TRMT11: variants seen among roughly 807,000 people sequenced by gnomAD.
The protein encoded by TRMT11 is tRNA methyltransferase 11.
Under a neutral mutation model 62.8 loss-of-function variants are expected in TRMT11, and 53 were observed. The observed-to-expected ratio is 0.84, with a 90% confidence interval of 0.68 to 1.06. TRMT11 has a LOEUF of 1.06. TRMT11 is among the 50% of genes least tolerant of loss of function. The pLI is 0.00. For synonymous variants in TRMT11, 188 were observed against 190.3 expected (o/e 0.99, Z 0.10); for missense variants, 556 against 553.4 (o/e 1.00, Z -0.05).
At chr6:126,108,432 G>A (rs1345659995) in intron 17 of TRMT11, among the ~76,000 whole-genome samples, 1 of 152,144 alleles carries the variant, frequency 6.6e-6, no homozygotes, top group Non-Finnish European at 1.5e-5. Context: ...TTTGTTCAAT[G>A]CCACCTATGT....
At chr6:126,047,116 A>T (rs1776083099) in intron 16 of TRMT11, among the ~76,000 whole-genome samples, 1 of 151,954 alleles carries the variant, frequency 6.6e-6, no homozygotes, top group African/African-American at 2.4e-5. Context: ...ACTAAGTATT[A>T]GCTACTACTG....
At chr6:125,997,484 C>G (rs1368269587) in intron 3 of TRMT11, among the ~76,000 whole-genome samples, 2 of 152,228 alleles carry the variant, frequency 1.3e-5, no homozygotes, top group Non-Finnish European at 2.9e-5. Context: ...AAGTTAGTTA[C>G]TAAAATTGTG....
In TRMT11 at chr6:125,999,526, A is replaced by G. The variant is rs777211080; in HGVS notation, c.592A>G (p.Ser198Gly). 6.2e-7 allele frequency: 1 copy of G among 1,612,294 alleles called. No individual in the cohort carries two copies. Among genetic ancestry groups the G allele is most frequent in the Non-Finnish European group, 8.5e-7 (1 of 1,178,884 alleles). ...AAAGAGACACTTTATTGGAAATACAAGTATGGATGCTGGTTTGTCATTCAT... is the reference window on the plus strand; with the variant it reads ...AAAGAGACACTTTATTGGAAATACAGGTATGGATGCTGGTTTGTCATTCAT... ...VKKRHFIGNT[S>G]MDAGLSFIMA... The change falls in exon 7 of 13, where the codon AGT (serine) becomes GGT (glycine). Residue 198 changes from serine (S) to glycine (G), a missense_variant. By Grantham distance (56) the Ser-to-Gly change is moderately conservative. Transcript: ENST00000334379.
At chr6:126,099,332 C>G (rs935672892) in intron 17 of TRMT11, among the ~76,000 whole-genome samples, 2 of 152,138 alleles carry the variant, frequency 1.3e-5, no homozygotes, top group Non-Finnish European at 2.9e-5. Flanking sequence ...AATGGTTTTG[C>G]TCTACATATC....
chr6:126,057,580 CA>C (rs1166901744), intron 17 of TRMT11, among the ~76,000 whole-genome samples: 4 of 152,138 alleles, frequency 2.6e-5, no homozygotes, highest in Non-Finnish European at 5.9e-5. Flanking sequence ...TCCAATGAAC[CA>C]AACAGGCTTG....
rs184557231 is a variant in TRMT11, at chr6:125,996,113, A to G, written c.212+73A>G. On this transcript the variant is annotated intron_variant, in intron 3 of 12. Coordinates refer to ENST00000334379, the MANE Select transcript of TRMT11 (RefSeq NM_001031712.3). ...TAACCACTCAATCCTGTTTTTTGCTATATTGGGCAGTGTGAAGGCTCAGTT... is the reference window on the plus strand; with the variant it reads ...TAACCACTCAATCCTGTTTTTTGCTGTATTGGGCAGTGTGAAGGCTCAGTT... 115 of 1,081,294 alleles carry G rather than the reference A, an allele frequency of 1.1e-4. No individual in the cohort carries two copies. The African/African-American group carries it at 1.2e-3, about 12-fold the overall frequency. The allele number at this position is 1,081,294 out of a possible 1,614,324, so 67.0% of individuals were successfully genotyped here. A position where few individuals can be genotyped will look rare whatever the true frequency, so the allele number is the denominator to read the frequency against.
At chr6:126,257,647 A>T in the TRMT11 span, among the ~76,000 whole-genome samples, 2 of 152,098 alleles carry the variant, frequency 1.3e-5, no homozygotes, top group East Asian at 3.9e-4. Context: ...TTGATTCGAG[A>T]CTTTTTATTA....
At chr6:126,268,340 C>G in the TRMT11 span, among the ~76,000 whole-genome samples, 1 of 152,072 alleles carries the variant, frequency 6.6e-6, no homozygotes, top group African/African-American at 2.4e-5. Context: ...TGGGAGACAC[C>G]TGGATAGTGT....
At chr6:126,145,823 G>A (rs971055699) in intron 21 of TRMT11, among the ~76,000 whole-genome samples, 6 of 151,978 alleles carry the variant, frequency 3.9e-5, no homozygotes, top group African/African-American at 1.4e-4. Context: ...TTAAATTTTT[G>A]TTTAAGCTCC....
chr6:126,085,762 A>T (rs1359287215), intron 17 of TRMT11, among the ~76,000 whole-genome samples: 2 of 152,158 alleles, frequency 1.3e-5, no homozygotes, highest in Admixed American at 6.6e-5. Context: ...ATCATGATAG[A>T]TATATGTCAG....
chr6:126,022,706 T>C (rs1438696934), intron 12 of TRMT11, among the ~76,000 whole-genome samples: 1 of 152,234 alleles, frequency 6.6e-6, no homozygotes, highest in African/African-American at 2.4e-5. Flanking sequence ...CTATCTTCTG[T>C]AATCAGGCTC....
intron 21 of TRMT11, among the ~76,000 whole-genome samples, chr6:126,167,729 C>T (rs916086440): frequency 2.6e-5 from 4 of 152,178 alleles, no homozygotes; most frequent in African/African-American, 9.7e-5. Flanking sequence ...TCATTAGTTT[C>T]TCAAATGTAT....
chr6:126,027,532 C>T (rs1773412313), intron 12 of TRMT11, among the ~76,000 whole-genome samples: 1 of 152,132 alleles, frequency 6.6e-6, no homozygotes, highest in Non-Finnish European at 1.5e-5. Flanking sequence ...TCACATGCTA[C>T]CTTATATTCC....
chr6:126,239,156 T>A, the TRMT11 span, among the ~76,000 whole-genome samples: 25 of 152,256 alleles, frequency 1.6e-4, no homozygotes, highest in African/African-American at 5.5e-4. Flanking sequence ...GGGTCTTGAC[T>A]ATCCAATTTG....
At chr6:126,100,041 C>T (rs1002170461) in intron 17 of TRMT11, among the ~76,000 whole-genome samples, 1 of 152,074 alleles carries the variant, frequency 6.6e-6, no homozygotes. Context: ...CAGTTTTTCC[C>T]TCTTTCCAGA....
At chr6:126,178,259 T>A in intron 1 of TRMT11, among the ~76,000 whole-genome samples, 1 of 152,308 alleles carries the variant, frequency 6.6e-6, no homozygotes, top group Middle Eastern at 3.4e-3. Context: ...CTTTTTGAGG[T>A]AGCCACACCC....
Position 126,032,507 on chromosome 6 carries a change from A to C in TRMT11, c.1261-6198A>C, listed in dbSNP as rs191150131. 2.4e-3 allele frequency among the ~76,000 whole-genome samples: 362 copies of C among 152,156 alleles called. 3 individuals are homozygous for C. Among genetic ancestry groups the C allele is most frequent in the African/African-American group, 8.4e-3 (350 of 41,524 alleles). On this transcript the variant is annotated intron_variant, in intron 12 of 12. Coordinates refer to ENST00000334379, the MANE Select transcript of TRMT11 (RefSeq NM_001031712.3). ...CACACGCACTGTGTTTCCTCTTCCT[A>C]GAATGTTTTCTTCCCCTCTTTTCAT... is the stretch of plus-strand genomic sequence containing the variant.
chr6:126,207,599 C>T (rs75135867), downstream of TRMT11, among the ~76,000 whole-genome samples: 801 of 152,264 alleles, frequency 5.3e-3, 4 homozygotes, highest in Non-Finnish European at 8.5e-3. Flanking sequence ...TATTAAATAT[C>T]CAATGCACAT....
Position 126,184,317 on chromosome 6 carries a change from C to G in TRMT11, n.143+6982C>G, listed in dbSNP as rs1335522056. On this transcript the variant is annotated intron_variant and non_coding_transcript_variant, in intron 1 of 3. Transcript: ENST00000444229. ...AAGGAGGGTATATTATATGTGTTCT[C>G]TAATTCTCCACTGCTTAATAAATAT... Among the ~76,000 whole-genome samples the G allele has an allele frequency of 8.5e-5, 13 of 152,108 alleles. No homozygotes were observed. The East Asian group carries it at 2.5e-3, about 29-fold the overall frequency.
Sources: gnomAD v4.1 joint callset for allele counts (sites outside exome capture counted in the v4.1 genomes callset) on GRCh38, gnomAD v4.1.1 for gene constraint, MANE v1.5 for transcripts, NCBI Gene and HGNC (gene_info 2026-07-23, HGNC 2026-07-21) for gene names.